The following KNTC1 variants were observed in gnomAD, a reference collection of about 807,000 sequenced individuals.
KNTC1 encodes the protein kinetochore-associated protein 1.
A neutral mutation model predicts 314.4 loss-of-function variants in KNTC1; 253 were observed. The observed-to-expected ratio is 0.80, with a 90% CI of 0.73 to 0.89. The LOEUF is 0.89. Ranked by LOEUF, KNTC1 falls within the 40% of genes least tolerant of loss-of-function variation. The pLI, the probability that KNTC1 is intolerant of heterozygous loss-of-function variation, is 0.00. For missense variants in KNTC1, 2,475 were observed against 2,572.9 expected (o/e 0.96, Z 0.82); for synonymous variants, 901 against 901.4 (o/e 1.00, Z 0.01).
Position 122,584,292 on chromosome 12 carries a change from A to AT in KNTC1, c.3279dup (p.His1094SerfsTer5). 6.2e-7 allele frequency: 1 copy of AT among 1,611,170 alleles called. No individual in the cohort carries two copies. Among genetic ancestry groups the AT allele is most frequent in the African/African-American group, 1.3e-5 (1 of 74,970 alleles). ...TTCTTCCAAAGCGACTTGTTTAAGT[A>AT]TCACTGCAATGCTGACACTGGGAAA... On this transcript the variant is annotated frameshift_variant, in exon 35 of 64. Transcript: ENST00000333479. LOFTEE classifies it high-confidence loss of function.
At chr12:122,573,314 T>C (rs767526018) in intron 26 of KNTC1, 29 bp downstream of exon 26, 113 of 1,598,416 alleles carry the variant, frequency 7.1e-5, no homozygotes, top group Non-Finnish European at 9.3e-5. Flanking sequence ...CTAGTCTTAT[T>C]TCTTGGATCT....
chr12:122,597,729 A>C lies in KNTC1; in HGVS notation c.4356-2A>C. 1 of 1,613,426 alleles carries C rather than the reference A, an allele frequency of 6.2e-7. No individual in the cohort carries two copies. Among genetic ancestry groups the C allele is most frequent in the Non-Finnish European group, 8.5e-7 (1 of 1,179,452 alleles). On this transcript the variant is annotated splice_acceptor_variant, in intron 43 of 63. Transcript: ENST00000333479. LOFTEE classifies it high-confidence loss of function. ...CTGGTGTGTATTGAATGCTTCTTTTAGCACATTTCAGTTGGACTGCGATGC... is the reference window on the plus strand; with the variant it reads ...CTGGTGTGTATTGAATGCTTCTTTTCGCACATTTCAGTTGGACTGCGATGC...
rs1422871506 is a variant in KNTC1, at chr12:122,584,395, T to G, written c.3381T>G (p.Asn1127Lys). 1.2e-6 allele frequency: 2 copies of G among 1,613,662 alleles called. No individual in the cohort carries two copies. The highest frequency in any genetic ancestry group is 1.7e-6 in the Non-Finnish European group (2 of 1,179,662). The stretch of plus-strand genomic sequence containing the variant: ...CAGTGACAGTGCCTGTGGGACTGAA[T>G]CTTCCTTCCATGATACATGATCTAG... ...NVPVTVPVGL[N>K]LPSMIHDLAS... Residue 1127 changes from asparagine to lysine, a missense_variant, in exon 35 of 64, where the codon AAT becomes AAG. Transcript: ENST00000333479.
In KNTC1 at chr12:122,620,475, G is replaced by C; in HGVS notation, c.6150-4G>C. The C allele has an allele frequency of 6.2e-7, 1 of 1,611,166 alleles. No homozygotes were observed. The highest frequency in any genetic ancestry group is 8.5e-7 in the Non-Finnish European group (1 of 1,178,306). On this transcript the variant is annotated splice_region_variant and splice_polypyrimidine_tract_variant and intron_variant, in intron 59 of 63. Coordinates refer to ENST00000333479, the MANE Select transcript of KNTC1 (RefSeq NM_014708.6). ...TATTAACTAATTAATGTTCTCTCTC[G>C]AAGATGTCCAGTCTCAGGTGATCTT...
At chr12:122,558,970 C>A (rs1963793250) in intron 18 of KNTC1, among the ~76,000 whole-genome samples, 1 of 152,156 alleles carries the variant, frequency 6.6e-6, no homozygotes, top group African/African-American at 2.4e-5. Context: ...TCCTGTCTCT[C>A]TAGATTTGCC....
intron 18 of KNTC1, among the ~76,000 whole-genome samples, chr12:122,559,303 G>A (rs747801556): frequency 2.0e-5 from 3 of 151,976 alleles, no homozygotes; most frequent in African/African-American, 4.8e-5. Flanking sequence ...AGCTGAGATC[G>A]CGCTTCCAGC....
chr12:122,571,066 T>A lies in KNTC1; in HGVS notation c.1959T>A (p.Phe653Leu), dbSNP rs1387749462. The A allele has an allele frequency of 1.2e-6, 2 of 1,613,826 alleles. No individual in the cohort carries two copies. The highest frequency in any genetic ancestry group is 2.2e-5 in the South Asian group (2 of 91,078). The change falls in exon 24 of 64, where the codon TTT becomes TTA. Residue 653 changes from phenylalanine to leucine, a missense_variant. Transcript: ENST00000333479. Reference protein sequence around the residue: ...PENGLQLAEIFFTAEKTDELG... With the variant: ...PENGLQLAEILFTAEKTDELG... The stretch of plus-strand genomic sequence containing the variant: ...ATGGACTTCAATTGGCAGAGATATT[T>A]TTTACAGCAGAAAAAACAGACGAGT...
chr12:122,530,096 T>C lies in KNTC1; in HGVS notation c.33T>C (p.Asp11=), dbSNP rs75209631. The C allele has an allele frequency of 2.5e-6, 4 of 1,613,740 alleles. No homozygotes were observed. In the African/African-American group the frequency reaches 4.0e-5, roughly 16 times the overall value. MWNDIELLTN[D]DTGSGYLSVG... ...ATGATATTGAGCTGCTAACAAATGA[T>C]GATACCGGAAGTGGGTACCTGAGTG... Residue 11 remains aspartate, a synonymous_variant, in exon 2 of 64, where the codon GAT becomes GAC. Transcript: ENST00000333479.
At chr12:122,534,207 A>G (rs1476484705) in intron 2 of KNTC1, among the ~76,000 whole-genome samples, 1 of 152,256 alleles carries the variant, frequency 6.6e-6, no homozygotes, top group African/African-American at 2.4e-5. Context: ...TGGCCATGCC[A>G]GTGCTGCATC....
At chr12:122,542,835 C>T (rs964407952) in intron 6 of KNTC1, among the ~76,000 whole-genome samples, 4 of 152,014 alleles carry the variant, frequency 2.6e-5, no homozygotes, top group African/African-American at 9.7e-5. Context: ...GACCATTTAT[C>T]CCTCTAAGCC....
At chr12:122,544,495 A>G (rs930428038) in intron 8 of KNTC1, among the ~76,000 whole-genome samples, 3 of 152,138 alleles carry the variant, frequency 2.0e-5, no homozygotes, top group Non-Finnish European at 2.9e-5. Context: ...ATTTTTTTCA[A>G]TTATGAGAGC....
At chr12:122,546,832 A>ATT (rs200482729) in intron 10 of KNTC1, among the ~76,000 whole-genome samples, 158 bp downstream of exon 10, 4 of 137,470 alleles carry the variant, frequency 2.9e-5, no homozygotes, top group Admixed American at 1.5e-4. Flanking sequence ...CTGAAATGTA[A>ATT]TTTTTTTTTT....
Position 122,534,797 on chromosome 12 carries a change from T to C in KNTC1, c.250+13T>C. 1 of 1,610,716 alleles carries C rather than the reference T, an allele frequency of 6.2e-7. No individual in the cohort carries two copies. ...CATCTTGTCTTTGGTAAGTATAATG[T>C]AGTGAATGAAGTAAGATAAATTGGA... On this transcript the variant is annotated intron_variant, in intron 3 of 63. Transcript: ENST00000333479.
intron 42 of KNTC1, 164 bp from the exon 43 acceptor site, chr12:122,594,112 C>A (rs781439259): frequency 1.7e-5 from 10 of 587,778 alleles, no homozygotes; most frequent in Non-Finnish European, 2.7e-5. Flanking sequence ...CACCTCAAAT[C>A]TCAGAATGAT....
chr12:122,569,268 T>C (rs1407051170), intron 21 of KNTC1, among the ~76,000 whole-genome samples: 1 of 152,220 alleles, frequency 6.6e-6, no homozygotes, highest in East Asian at 1.9e-4. Context: ...CTACTGCAGC[T>C]CAAATTGTGG....
At chr12:122,624,999 G>C (rs1486560858) in intron 63 of KNTC1, among the ~76,000 whole-genome samples, 1 of 152,094 alleles carries the variant, frequency 6.6e-6, no homozygotes, top group Non-Finnish European at 1.5e-5. Flanking sequence ...TATTGAAGCA[G>C]GTGAAAAACT....
chr12:122,606,465 G>T (rs192192759), intron 51 of KNTC1, among the ~76,000 whole-genome samples: 1 of 151,902 alleles, frequency 6.6e-6, no homozygotes, highest in African/African-American at 2.4e-5. Flanking sequence ...TGATCCGCCC[G>T]CCTTGGCCTC....
Position 122,575,738 on chromosome 12 carries a change from T to A in KNTC1, c.2487-62T>A, listed in dbSNP as rs2080501062. On this transcript the variant is annotated intron_variant, in intron 28 of 63. Coordinates refer to ENST00000333479, the MANE Select transcript of KNTC1 (RefSeq NM_014708.6). Reference sequence around the variant, plus strand: ...TCATTTATGTTTCTATATTGTTTGCTGTGTCCCATAGTACTTCATAAAAAA... The same window carrying A: ...TCATTTATGTTTCTATATTGTTTGCAGTGTCCCATAGTACTTCATAAAAAA... The A allele has an allele frequency of 2.7e-6, 4 of 1,501,038 alleles. No individual in the cohort carries two copies. In the African/African-American group the frequency reaches 5.5e-5, roughly 21 times the overall value. 93.0% of individuals were successfully genotyped at this position (1,501,038 alleles called of 1,614,324 possible).
At chr12:122,614,970 T>TTTTTC (rs1304212911) in intron 55 of KNTC1, 21 bp from the exon 56 acceptor site, 1 of 1,585,026 alleles carries the variant, frequency 6.3e-7, no homozygotes, top group South Asian at 1.1e-5. Context: ...TAGCATGATT[T>TTTTTC]TTTTCTTTTT....
Sources: gnomAD v4.1 joint callset for allele counts (sites outside exome capture counted in the v4.1 genomes callset) on GRCh38, gnomAD v4.1.1 for gene constraint, MANE v1.5 for transcripts, NCBI Gene and HGNC (gene_info 2026-07-23, HGNC 2026-07-21) for gene names.